PTGER3: variants seen among roughly 807,000 people sequenced by gnomAD.
PTGER3 encodes prostaglandin E receptor 3.
PTGER3 carries 22 observed loss-of-function variants against 34.7 expected under a neutral mutation model. That is an observed-to-expected ratio of 0.63 (90% CI 0.45 to 0.91). The LOEUF is 0.91. PTGER3 is among the 40% of genes least tolerant of loss of function. The pLI is 0.00. For synonymous variants in PTGER3, 241 were observed against 230.1 expected, an observed-to-expected ratio of 1.05 and a Z score of -0.43; for missense variants, 468 against 519.4, an observed-to-expected ratio of 0.90 and a Z score of 0.96.
At chr1:71,005,039 C>T (rs1240948664) in intron 2 of PTGER3, among the ~76,000 whole-genome samples, 1 of 152,140 alleles carries the variant, frequency 6.6e-6, no homozygotes, top group Admixed American at 6.5e-5. Flanking sequence ...AATTATGTCC[C>T]CCATAGTACA....
At chr1:71,011,886 T>C in intron 2 of PTGER3, 1 of 1,084,898 alleles carries the variant, frequency 9.2e-7, no homozygotes. Context: ...CCTCATGTAT[T>C]CAGTGTACTG....
intron 4 of PTGER3, among the ~76,000 whole-genome samples, chr1:70,861,538 T>C (rs1645927362): frequency 6.6e-6 from 1 of 152,156 alleles, no homozygotes; most frequent in Non-Finnish European, 1.5e-5. Context: ...TGCTTTTCAG[T>C]TATAAAGGGA....
intron 4 of PTGER3, among the ~76,000 whole-genome samples, chr1:70,874,533 A>G (rs1646232927): frequency 6.6e-6 from 1 of 152,040 alleles, no homozygotes; most frequent in Admixed American, 6.6e-5. Context: ...TCTGTGTTCT[A>G]AATATTACTT....
chr1:70,964,196 C>T (rs921320983), intron 2 of PTGER3, among the ~76,000 whole-genome samples: 5 of 152,154 alleles, frequency 3.3e-5, no homozygotes, highest in Admixed American at 3.3e-4. Context: ...GTCCTCTGAG[C>T]CCTCCAATTC....
intron 4 of PTGER3, among the ~76,000 whole-genome samples, chr1:70,939,656 G>C (rs539044690): frequency 1.3e-5 from 2 of 152,238 alleles, no homozygotes; most frequent in Non-Finnish European, 2.9e-5. Flanking sequence ...AAGCTGCCAA[G>C]GCTTAGGGCT....
Position 70,890,440 on chromosome 1 carries a change from G to A in PTGER3, c.*24-37581C>T, listed in dbSNP as rs559250297. On this transcript the variant is annotated intron_variant, in intron 4 of 4. Coordinates refer to the PTGER3 transcript ENST00000370931. ...CTCTGTAAACTGGTGGAGGATGATAGAAAAAAAAGTGGACATCAAAACAAC... is the reference window on the plus strand; with the variant it reads ...CTCTGTAAACTGGTGGAGGATGATAAAAAAAAAAGTGGACATCAAAACAAC... Among the ~76,000 whole-genome samples the A allele has an allele frequency of 5.5e-3, 835 of 151,842 alleles. 5 individuals are homozygous for A. The highest frequency in any genetic ancestry group is 0.037 in the Middle Eastern group (11 of 294).
At chr1:70,882,749 C>T (rs1353948955) in intron 4 of PTGER3, among the ~76,000 whole-genome samples, 1 of 152,110 alleles carries the variant, frequency 6.6e-6, no homozygotes, top group Non-Finnish European at 1.5e-5. Context: ...TTCTAGGGGG[C>T]TCTCACTCGC....
In PTGER3 at chr1:70,889,477, A is replaced by G. The variant is rs373102149; in HGVS notation, c.*24-36618T>C. Among the ~76,000 whole-genome samples the G allele has an allele frequency of 2.9e-3, 441 of 150,278 alleles. 17 individuals are homozygous for G. In the South Asian group the frequency reaches 0.086, roughly 29 times the overall value. ...TGTTGGCTTATGTTTTATTTATTTT[A>G]TGTTAATGATAAATATAATTTTGAT... On this transcript the variant is annotated intron_variant, in intron 4 of 4. Coordinates refer to the PTGER3 transcript ENST00000370931.
chr1:70,852,804 C>T (rs1027563812), exon 5 of PTGER3: 6 of 1,610,840 alleles, frequency 3.7e-6, no homozygotes, highest in Non-Finnish European at 4.2e-6. Flanking sequence ...AGTCATGGAG[C>T]TTCCAGTGAT....
chr1:70,988,588 A>T (rs540577718), intron 2 of PTGER3, among the ~76,000 whole-genome samples: 1 of 152,274 alleles, frequency 6.6e-6, no homozygotes, highest in African/African-American at 2.4e-5. Flanking sequence ...GAGCAGCTAT[A>T]TTGGATTATG....
At chr1:71,024,655 T>G (rs1318942789) in intron 1 of PTGER3, among the ~76,000 whole-genome samples, 1 of 145,742 alleles carries the variant, frequency 6.9e-6, no homozygotes, top group Non-Finnish European at 1.5e-5. Context: ...CTTTTTTTTT[T>G]TTTTTTTTTT....
At chr1:70,961,768 A>T (rs1419198608) in intron 2 of PTGER3, among the ~76,000 whole-genome samples, 1 of 152,228 alleles carries the variant, frequency 6.6e-6, no homozygotes, top group South Asian at 2.1e-4. Flanking sequence ...AGGAAATCCC[A>T]TTGGTTCAGC....
Position 71,040,147 on chromosome 1 carries a change from AAAAG to A in PTGER3, c.897+6530_897+6533del, listed in dbSNP as rs1181805296. ...AAAGAAAGAGAAAGAGAGAAAGAAAAAAAGAAAGAAAAGAGAGAGGAGGAGAGGG... is the reference window on the plus strand; with the variant it reads ...AAAGAAAGAGAAAGAGAGAAAGAAAAAAAGAAAAGAGAGAGGAGGAGAGGG... On this transcript the variant is annotated intron_variant, in intron 1 of 3. Transcript: ENST00000306666. Among the ~76,000 whole-genome samples, 687 of 151,930 alleles carry A rather than the reference AAAAG, an allele frequency of 4.5e-3. 3 individuals carry two copies. Among genetic ancestry groups the A allele is most frequent in the African/African-American group, 0.016 (656 of 41,404 alleles).
At chr1:70,965,587 T>C (rs1282473558) in intron 2 of PTGER3, among the ~76,000 whole-genome samples, 2 of 152,212 alleles carry the variant, frequency 1.3e-5, no homozygotes, top group Non-Finnish European at 2.9e-5. Flanking sequence ...CCCTCCATAC[T>C]TAATATGACA....
Position 70,917,086 on chromosome 1 carries a change from T to G in PTGER3, c.*23+36677A>C, listed in dbSNP as rs139226841. ...CTTGAAATATACACTACATTGTTAT[T>G]TGCTAGAGTCACTCTACTGTGTAAT... On this transcript the variant is annotated intron_variant, in intron 4 of 4. Coordinates refer to the PTGER3 transcript ENST00000370931. Among the ~76,000 whole-genome samples, 530 of 152,086 alleles carry G rather than the reference T, an allele frequency of 3.5e-3. 1 individual carries two copies. The highest frequency in any genetic ancestry group is 6.8e-3 in the Middle Eastern group (2 of 294).
rs757944954 is a variant in PTGER3 at position 70,974,281 on chromosome 1, A to G, written c.1169+16T>C. The G allele has an allele frequency of 1.7e-5, 28 of 1,612,554 alleles. No individual in the cohort carries two copies. Among genetic ancestry groups the G allele is most frequent in the Non-Finnish European group, 2.4e-5 (28 of 1,179,096 alleles). On this transcript the variant is annotated intron_variant, in intron 3 of 3. Coordinates refer to ENST00000306666, the MANE Select transcript of PTGER3 (RefSeq NM_198719.2). Reference sequence around the variant, plus strand: ...GGAAGGCTATGCTATAAATCCCGGCAGTTTCTAAATCTCACCTTTCCAAAT... The same window carrying G: ...GGAAGGCTATGCTATAAATCCCGGCGGTTTCTAAATCTCACCTTTCCAAAT...
chr1:70,853,013 C>T (rs538882066), intron 4 of PTGER3: 138 of 924,368 alleles, frequency 1.5e-4, no homozygotes, highest in Middle Eastern at 6.9e-4. Flanking sequence ...AGAACAAGAA[C>T]GAAGTTGTGT....
At chr1:70,945,087 T>C (rs1294021250) in intron 4 of PTGER3, among the ~76,000 whole-genome samples, 1 of 152,166 alleles carries the variant, frequency 6.6e-6, no homozygotes, top group Non-Finnish European at 1.5e-5. Context: ...GCTGAGGAAC[T>C]ATTCGAACCC....
chr1:71,007,012 C>A, intron 2 of PTGER3: 1 of 985,494 alleles, frequency 1.0e-6, no homozygotes, highest in Non-Finnish European at 1.2e-6. Context: ...GTATTGAAGA[C>A]CAGCCTTTAA....
Sources: gnomAD v4.1 joint callset for allele counts (sites outside exome capture counted in the v4.1 genomes callset) on GRCh38, gnomAD v4.1.1 for gene constraint, MANE v1.5 for transcripts, NCBI Gene and HGNC (gene_info 2026-07-23, HGNC 2026-07-21) for gene names.